UBE2E2: variants seen among roughly 807,000 people sequenced by gnomAD.
UBE2E2 encodes the protein ubiquitin-conjugating enzyme E2 E2.
UBE2E2 carries 6 observed loss-of-function variants against 24.7 expected under a neutral mutation model. That is an observed-to-expected ratio of 0.24 (90% CI 0.13 to 0.48). The LOEUF (loss-of-function observed/expected upper bound fraction) is 0.48. Ranked by LOEUF, UBE2E2 falls within the 20% of genes least tolerant of loss-of-function variation. The pLI is 0.99. For synonymous variants in UBE2E2, 104 were observed against 83.6 expected (o/e 1.24, Z -1.33); for missense variants, 169 against 245.0 (o/e 0.69, Z 2.07).
At chr3:23,459,422 T>C (rs1698759440) in intron 3 of UBE2E2, among the ~76,000 whole-genome samples, 1 of 152,258 alleles carries the variant, frequency 6.6e-6, no homozygotes, top group Non-Finnish European at 1.5e-5. Context: ...TCAACAGTTA[T>C]TAAAAACTGC....
intron 3 of UBE2E2, among the ~76,000 whole-genome samples, chr3:23,257,512 G>GGCCC (rs1697762836): frequency 1.6e-4 from 5 of 31,148 alleles, no homozygotes; most frequent in Admixed American, 7.9e-4. Context: ...TGTTTCCCGT[G>GGCCC]CCCCCCCCCC....
At chr3:23,449,182 C>G (rs750019887) in intron 3 of UBE2E2, among the ~76,000 whole-genome samples, 4 of 152,198 alleles carry the variant, frequency 2.6e-5, no homozygotes, top group Admixed American at 6.5e-5. Context: ...GTGTGTGCTG[C>G]AGCCCAAACA....
intron 3 of UBE2E2, among the ~76,000 whole-genome samples, chr3:23,482,356 T>G (rs1254653262): frequency 6.6e-6 from 1 of 152,158 alleles, no homozygotes; most frequent in Non-Finnish European, 1.5e-5. Flanking sequence ...AACTTGCGTC[T>G]TCTGTTTGGT....
chr3:23,478,269 A>C (rs1160588154), intron 3 of UBE2E2, among the ~76,000 whole-genome samples: 6 of 152,228 alleles, frequency 3.9e-5, no homozygotes, highest in Admixed American at 3.9e-4. Context: ...GGGGACTCCT[A>C]GACTGTAAAA....
chr3:23,250,293 T>C (rs1250251342), intron 3 of UBE2E2, among the ~76,000 whole-genome samples: 1 of 152,234 alleles, frequency 6.6e-6, no homozygotes, highest in Non-Finnish European at 1.5e-5. Flanking sequence ...AATTCTCTTT[T>C]ACATTATTAT....
At chr3:23,535,687 G>A (rs1009469412) in intron 5 of UBE2E2, among the ~76,000 whole-genome samples, 2 of 133,622 alleles carry the variant, frequency 1.5e-5, no homozygotes, top group African/African-American at 2.9e-5. Context: ...GCAATGGCAC[G>A]ATCTCAGCTC....
intron 3 of UBE2E2, among the ~76,000 whole-genome samples, chr3:23,230,571 G>A (rs1696947747): frequency 6.6e-6 from 1 of 152,028 alleles, no homozygotes; most frequent in Admixed American, 6.6e-5. Context: ...GATCATTTGA[G>A]GTCAGCAGTT....
chr3:23,499,851 A>G (rs1000379158), intron 4 of UBE2E2, 111 bp downstream of exon 4: 5 of 1,292,444 alleles, frequency 3.9e-6, no homozygotes, highest in Non-Finnish European at 5.1e-6. Flanking sequence ...GTTGTCACAG[A>G]CAGCTTCCCA....
At chr3:23,297,862 A>G (rs112045311) in intron 3 of UBE2E2, among the ~76,000 whole-genome samples, 7 of 152,070 alleles carry the variant, frequency 4.6e-5, no homozygotes, top group Admixed American at 2.6e-4. Context: ...CATTGAATCT[A>G]TAAATTACCT....
At chr3:23,512,786 A>G (rs1694633797) in intron 4 of UBE2E2, among the ~76,000 whole-genome samples, 1 of 152,094 alleles carries the variant, frequency 6.6e-6, no homozygotes, top group Non-Finnish European at 1.5e-5. Context: ...CTCTACTAAA[A>G]ATACAAAAAT....
At chr3:23,566,522 G>C (rs1696077060) in intron 5 of UBE2E2, among the ~76,000 whole-genome samples, 1 of 152,108 alleles carries the variant, frequency 6.6e-6, no homozygotes, top group Admixed American at 6.5e-5. Flanking sequence ...AGTTTTATTT[G>C]GCTCACAGTT....
chr3:23,314,427 G>T, intron 3 of UBE2E2, among the ~76,000 whole-genome samples: 1 of 124,518 alleles, frequency 8.0e-6, no homozygotes, highest in South Asian at 2.4e-4. Context: ...ACTGTGGCCC[G>T]CCATAGTTAT....
chr3:23,527,120 C>T (rs1183897932), intron 4 of UBE2E2, among the ~76,000 whole-genome samples: 1 of 152,130 alleles, frequency 6.6e-6, no homozygotes, highest in Non-Finnish European at 1.5e-5. Flanking sequence ...ACTGAGGTAT[C>T]ATTACACCTT....
intron 4 of UBE2E2, among the ~76,000 whole-genome samples, chr3:23,501,806 T>A (rs1353765838): frequency 6.6e-6 from 1 of 152,148 alleles, no homozygotes; most frequent in Non-Finnish European, 1.5e-5. Flanking sequence ...CACTTCCCTT[T>A]ACTAGGAGTG....
chr3:23,577,442 G>A (rs947013735), intron 5 of UBE2E2, among the ~76,000 whole-genome samples: 1 of 152,054 alleles, frequency 6.6e-6, no homozygotes. Context: ...CCAGCATAAG[G>A]CCGTAACTCT....
At chr3:23,260,257 T>A (rs1407606633) in intron 3 of UBE2E2, among the ~76,000 whole-genome samples, 1 of 152,236 alleles carries the variant, frequency 6.6e-6, no homozygotes, top group African/African-American at 2.4e-5. Context: ...TATATGTTTA[T>A]AATGCTATAT....
chr3:23,334,465 T>G (rs1030554762), intron 3 of UBE2E2, among the ~76,000 whole-genome samples: 8 of 152,180 alleles, frequency 5.3e-5, no homozygotes, highest in Admixed American at 2.6e-4. Context: ...AGGAAAAGAT[T>G]TTAGTGTACA....
At position 23,407,651 on chromosome 3, in the gene UBE2E2, G is replaced by A. The variant is rs979818717; in HGVS notation, c.228-91957G>A. ...TGTTTGTGTGTGCATGCGTGCATGT[G>A]TGTGTGTGTGTGTGTGTGTGTGTGT... is the stretch of plus-strand genomic sequence containing the variant. On this transcript the variant is annotated intron_variant, in intron 3 of 5. Transcript: ENST00000396703. This position sits in a 1 kb window ranked among gnomAD's most constrained non-coding sequence, Gnocchi z 4.0. Among the ~76,000 whole-genome samples, 2 of 51,372 alleles carry A rather than the reference G, an allele frequency of 3.9e-5. No individual in the cohort carries two copies. Among genetic ancestry groups the A allele is most frequent in the Admixed American group, 1.2e-4 (1 of 8,174 alleles). 33.7% of individuals were successfully genotyped at this position (51,372 alleles called of 152,430 possible).
chr3:23,564,697 C>T (rs1017371952), intron 5 of UBE2E2, among the ~76,000 whole-genome samples: 8 of 152,128 alleles, frequency 5.3e-5, no homozygotes, highest in East Asian at 1.9e-4. Flanking sequence ...AGCACATCCA[C>T]GGGGTAGAAA....
Sources: allele counts gnomAD v4.1 joint callset (sites outside exome capture counted in the v4.1 genomes callset), GRCh38; gene constraint gnomAD v4.1.1; non-coding constraint Gnocchi (gnomAD v3.1); transcripts MANE v1.5; gene names NCBI Gene and HGNC (gene_info 2026-07-23, HGNC 2026-07-21).